Variants in SAMMSON observed in about 807,000 individuals in gnomAD.
The protein encoded by SAMMSON is survival associated mitochondrial melanoma specific oncogenic non-coding RNA.
chr3:70,157,734 A>G (rs926805138), intron 4 of SAMMSON, among the ~76,000 whole-genome samples: 1 of 152,148 alleles, frequency 6.6e-6, no homozygotes, highest in Non-Finnish European at 1.5e-5. Context: ...CTCTACGCCT[A>G]GCATTTGCTG....
chr3:70,094,556 G>C (rs1028485739), intron 4 of SAMMSON: 1 of 152,086 alleles, frequency 6.6e-6, no homozygotes, highest in Non-Finnish European at 1.5e-5. Flanking sequence ...TTTTCATCCT[G>C]TCTGATTTAA....
chr3:70,373,107 ATTTC>A (rs1390471607), intron 9 of SAMMSON, among the ~76,000 whole-genome samples: 5 of 151,864 alleles, frequency 3.3e-5, no homozygotes, highest in Admixed American at 1.3e-4. Context: ...ACATTCCAAT[ATTTC>A]TTCTCTTATC....
intron 6 of SAMMSON, among the ~76,000 whole-genome samples, chr3:70,284,511 T>G (rs1702121224): frequency 6.6e-6 from 1 of 152,144 alleles, no homozygotes; most frequent in African/African-American, 2.4e-5. Context: ...TGCCCATCAA[T>G]GATAGACTGG....
At chr3:70,016,445 C>T (rs940442192) in intron 3 of SAMMSON, among the ~76,000 whole-genome samples, 5 of 152,012 alleles carry the variant, frequency 3.3e-5, no homozygotes, top group African/African-American at 7.3e-5. Flanking sequence ...TTGTTTTTTT[C>T]GTGTAACTTT....
At chr3:70,391,829 T>C (rs1701051362), downstream of SAMMSON, among the ~76,000 whole-genome samples, 1 of 152,176 alleles carries the variant, frequency 6.6e-6, no homozygotes, top group South Asian at 2.1e-4. Context: ...TGACGCATCA[T>C]GGCAATATCT....
chr3:70,347,773 C>A (rs867285568), intron 7 of SAMMSON, among the ~76,000 whole-genome samples: 1 of 152,058 alleles, frequency 6.6e-6, no homozygotes, highest in African/African-American at 2.4e-5. Context: ...TCGGGAGCAG[C>A]GGCTCACTCC....
chr3:70,326,451 T>C (rs1702580694), intron 7 of SAMMSON, among the ~76,000 whole-genome samples: 1 of 152,192 alleles, frequency 6.6e-6, no homozygotes, highest in Non-Finnish European at 1.5e-5. Flanking sequence ...TAGGACAAAG[T>C]AAATATTTAA....
intron 7 of SAMMSON, among the ~76,000 whole-genome samples, chr3:70,293,163 T>G (rs921299941): frequency 6.6e-6 from 1 of 151,342 alleles, no homozygotes; most frequent in Non-Finnish European, 1.5e-5. Context: ...AGTATTCAGC[T>G]CCCATCAGTC....
intron 9 of SAMMSON, among the ~76,000 whole-genome samples, chr3:70,375,590 A>C (rs1423319392): frequency 1.3e-5 from 2 of 152,128 alleles, no homozygotes; most frequent in Non-Finnish European, 2.9e-5. Context: ...CTCTGCTACC[A>C]CAGGGACAGA....
chr3:70,134,087 CA>C (rs1157606808), intron 4 of SAMMSON, among the ~76,000 whole-genome samples: 1,740 of 60,580 alleles, frequency 0.029, 24 homozygotes, highest in African/African-American at 0.069. Context: ...ACTGAAAATA[CA>C]AAAAAAAAAA....
intron 7 of SAMMSON, among the ~76,000 whole-genome samples, chr3:70,292,645 C>T (rs1238840104): frequency 6.6e-6 from 1 of 152,010 alleles, no homozygotes; most frequent in African/African-American, 2.4e-5. Flanking sequence ...ACTATTTAAA[C>T]TCCCTAATGA....
At chr3:70,091,407 T>C (rs1482437338) in intron 4 of SAMMSON, among the ~76,000 whole-genome samples, 1 of 152,198 alleles carries the variant, frequency 6.6e-6, no homozygotes, top group Non-Finnish European at 1.5e-5. Context: ...TGTGTGGTTT[T>C]CAGGCTCTAT....
chr3:70,363,164 G>A (rs1328398013), intron 9 of SAMMSON, among the ~76,000 whole-genome samples: 1 of 151,942 alleles, frequency 6.6e-6, no homozygotes, highest in Non-Finnish European at 1.5e-5. Flanking sequence ...CCTAGTGGCA[G>A]AGAAGGAATA....
chr3:70,139,717 G>GCC (rs2067519906), intron 4 of SAMMSON, among the ~76,000 whole-genome samples: 4 of 152,174 alleles, frequency 2.6e-5, no homozygotes, highest in Admixed American at 2.6e-4. Context: ...GGCCCCCTGG[G>GCC]TGTTTGAATT....
At chr3:70,000,816 T>C (rs2066902839) in intron 1 of SAMMSON, among the ~76,000 whole-genome samples, 1 of 152,190 alleles carries the variant, frequency 6.6e-6, no homozygotes, top group African/African-American at 2.4e-5. Context: ...CTTTCTGGGG[T>C]CTTGTATTAA....
intron 4 of SAMMSON, chr3:70,126,501 G>C: frequency 1.6e-6 from 1 of 627,362 alleles, no homozygotes; most frequent in Non-Finnish European, 3.0e-6. Context: ...TCAGCGGTCA[G>C]CTCAGCTGGC....
intron 7 of SAMMSON, among the ~76,000 whole-genome samples, chr3:70,328,327 T>C (rs183275018): frequency 3.3e-5 from 5 of 152,160 alleles, no homozygotes; most frequent in South Asian, 2.1e-4. Flanking sequence ...TCTGTAGTAA[T>C]TGGGGAGAAA....
At chr3:70,113,078 C>G (rs1347650298) in intron 4 of SAMMSON, among the ~76,000 whole-genome samples, 1 of 152,090 alleles carries the variant, frequency 6.6e-6, no homozygotes, top group African/African-American at 2.4e-5. Context: ...GATTAGTTTT[C>G]ACAGATGGCT....
rs998021697 is a variant in SAMMSON, at chr3:70,040,410, A to C, written n.417+26738A>C. Reference sequence around the variant, plus strand: ...ATGTGCCCAGGGTCACCAGTCTGGGAAACAAAGGAGCTAATGTTTTTCTAA... The same window carrying C: ...ATGTGCCCAGGGTCACCAGTCTGGGCAACAAAGGAGCTAATGTTTTTCTAA... On this transcript the variant is annotated intron_variant and non_coding_transcript_variant, in intron 3 of 9. Coordinates refer to ENST00000642114, the Ensembl canonical transcript of SAMMSON. Among the ~76,000 whole-genome samples the C allele has an allele frequency of 2.0e-5, 3 of 152,152 alleles. No homozygotes were observed. In the East Asian group the frequency reaches 5.8e-4, roughly 29 times the overall value.
Sources: allele counts gnomAD v4.1 joint callset (sites outside exome capture counted in the v4.1 genomes callset), GRCh38; gene constraint gnomAD v4.1.1; transcripts MANE v1.5; gene names NCBI Gene and HGNC (gene_info 2026-07-23, HGNC 2026-07-21).